Variants in MID1 observed in about 807,000 individuals in gnomAD.
The protein encoded by MID1 is midline 1.
MID1 carries 7 observed loss-of-function variants against 40.4 expected under a neutral mutation model. The observed-to-expected ratio is 0.17, with a 90% confidence interval of 0.10 to 0.33. The LOEUF (loss-of-function observed/expected upper bound fraction) is 0.33, where lower values mean the gene tolerates loss of function less well. MID1 is among the 10% of genes least tolerant of loss of function. The pLI is 1.00. For synonymous variants in MID1, 229 were observed against 221.2 expected, an observed-to-expected ratio of 1.04 and a Z score of -0.31; for missense variants, 367 against 558.5, an observed-to-expected ratio of 0.66 and a Z score of 3.46.
chrX:10,454,791 A>T lies in MID1; in HGVS notation c.1655+79T>A, dbSNP rs188341097. 561 of 855,204 alleles carry T rather than the reference A, an allele frequency of 6.6e-4. No homozygotes were observed. The African/African-American group carries it at 9.7e-3, about 15-fold the overall frequency. 70.5% of individuals were successfully genotyped at this position (855,204 alleles called of 1,213,427 possible). A position where few individuals can be genotyped will look rare whatever the true frequency, so the allele number is the denominator to read the frequency against. On this transcript the variant is annotated intron_variant, in intron 9 of 9. Transcript: ENST00000317552. ...TGCATTTTATTCTTTAAGATGCATT[A>T]CAGTATGGGTTGACTCTCTAAGTAC...
intron 1 of MID1, among the ~76,000 whole-genome samples, chrX:10,799,847 G>C (rs2147144646): frequency 9.6e-6 from 1 of 104,574 alleles, no homozygotes; most frequent in South Asian, 3.8e-4. Flanking sequence ...GAGACCTAAA[G>C]AAGTCAAGAA....
chrX:10,795,642 G>T (rs936507960), intron 1 of MID1, among the ~76,000 whole-genome samples: 3 of 112,467 alleles, frequency 2.7e-5, no homozygotes, highest in African/African-American at 9.7e-5. Flanking sequence ...TTTGTATGAA[G>T]AGTTCTTTAA....
At chrX:10,540,527 G>A (rs1933428125) in intron 2 of MID1, among the ~76,000 whole-genome samples, 1 of 111,613 alleles carries the variant, frequency 9.0e-6, no homozygotes. Context: ...GATTGTCTGA[G>A]ACCCAATATT....
chrX:10,672,961 C>T (rs766710088), intron 1 of MID1, among the ~76,000 whole-genome samples: 2 of 111,180 alleles, frequency 1.8e-5, no homozygotes, highest in Admixed American at 1.9e-4. Flanking sequence ...GCTGGGATTA[C>T]AAGTATGAGC....
At chrX:10,733,908 T>G (rs1202296076) in intron 1 of MID1, among the ~76,000 whole-genome samples, 1 of 112,364 alleles carries the variant, frequency 8.9e-6, no homozygotes, top group African/African-American at 3.2e-5. Context: ...TGTATTCAAA[T>G]GCATACCTAT....
intron 1 of MID1, among the ~76,000 whole-genome samples, chrX:10,724,163 A>C (rs2043375427): frequency 9.0e-6 from 1 of 111,418 alleles, no homozygotes; most frequent in African/African-American, 3.3e-5. Context: ...ACCGGGTTCA[A>C]GCATCAGCCA....
intron 2 of MID1, among the ~76,000 whole-genome samples, chrX:10,553,156 G>A (rs1393798592): frequency 9.1e-6 from 1 of 110,065 alleles, no homozygotes; most frequent in East Asian, 2.8e-4. Context: ...CCTGAGGCAG[G>A]AGAATTGCTT....
At chrX:10,540,300 G>A (rs1335392457) in intron 2 of MID1, among the ~76,000 whole-genome samples, 1 of 111,890 alleles carries the variant, frequency 8.9e-6, no homozygotes, top group African/African-American at 3.2e-5. Context: ...TCAAGATCTG[G>A]GAAATTTCCA....
rs1044317938 is a variant in MID1, at chrX:10,791,779, ATG to A, written c.-187+41773_-187+41774del. ...ATGCATGTGTCATTGGGTGGTATGC[ATG>A]TGTGTGTGTGTGCATGTGTGTGTGT... On this transcript the variant is annotated intron_variant, in intron 1 of 10. Transcript: ENST00000380785. 9.0e-5 allele frequency among the ~76,000 whole-genome samples: 10 copies of A among 110,549 alleles called. No homozygotes were observed. The East Asian group carries it at 1.7e-3, about 19-fold the overall frequency.
chrX:10,468,775 A>T (rs1929526755), intron 7 of MID1, among the ~76,000 whole-genome samples: 1 of 111,930 alleles, frequency 8.9e-6, no homozygotes, highest in Middle Eastern at 4.2e-3. Flanking sequence ...TGTTTCAGGT[A>T]AGGTTGGAAA....
At chrX:10,798,917 G>C (rs1301001147) in intron 1 of MID1, among the ~76,000 whole-genome samples, 1 of 111,885 alleles carries the variant, frequency 8.9e-6, no homozygotes, top group African/African-American at 3.2e-5. Context: ...ATTGGGGTAA[G>C]AGAAGATGGA....
At chrX:10,456,654 T>C (rs950924403) in intron 8 of MID1, among the ~76,000 whole-genome samples, 5 of 111,624 alleles carry the variant, frequency 4.5e-5, no homozygotes, top group Non-Finnish European at 9.4e-5. Context: ...TTGGCCAACA[T>C]GGTAAAACCC....
intron 8 of MID1, among the ~76,000 whole-genome samples, chrX:10,458,547 A>C (rs1433547238): frequency 1.8e-5 from 2 of 112,167 alleles, no homozygotes; most frequent in Non-Finnish European, 1.9e-5. Context: ...AACTGGGTTA[A>C]GGGTGTACAG....
At chrX:10,473,171 T>C (rs1929806831) in intron 6 of MID1, among the ~76,000 whole-genome samples, 1 of 112,017 alleles carries the variant, frequency 8.9e-6, no homozygotes, top group South Asian at 3.7e-4. Flanking sequence ...AATAGCCCCA[T>C]GTGGGAGGCA....
chrX:10,566,522 C>CCTCTCTCTCCCTCTCTCTCT (rs1200972140), intron 2 of MID1, among the ~76,000 whole-genome samples: 1 of 82,266 alleles, frequency 1.2e-5, no homozygotes, highest in Non-Finnish European at 2.2e-5. Flanking sequence ...CCTCTCTCTC[C>CCTCTCTCTCCCTCTCTCTCT]CTCTCTCTCC....
chrX:10,461,098 A>ATG (rs1459158063), intron 7 of MID1, among the ~76,000 whole-genome samples: 270 of 104,175 alleles, frequency 2.6e-3, no homozygotes, highest in Non-Finnish European at 3.7e-3. Flanking sequence ...ATATATATAT[A>ATG]TATGTATGTA....
chrX:10,792,752 A>C (rs1310126180), intron 1 of MID1, among the ~76,000 whole-genome samples: 4 of 111,542 alleles, frequency 3.6e-5, no homozygotes, highest in African/African-American at 9.8e-5. Flanking sequence ...GTGGGGAGTG[A>C]TTGCTGATGG....
chrX:10,456,816 A>C (rs1402563361), intron 8 of MID1, among the ~76,000 whole-genome samples: 1 of 111,919 alleles, frequency 8.9e-6, no homozygotes, highest in African/African-American at 3.3e-5. Flanking sequence ...CAGCCTGGGC[A>C]ACAGAGTGAG....
intron 1 of MID1, among the ~76,000 whole-genome samples, chrX:10,636,785 G>GACATATATATAT (rs757390504): frequency 1.6e-4 from 7 of 42,719 alleles, no homozygotes; most frequent in Non-Finnish European, 2.8e-4. Flanking sequence ...CAACAATGGG[G>GACATATATATAT]ATATATATAT....
Sources: gnomAD v4.1 joint callset for allele counts (sites outside exome capture counted in the v4.1 genomes callset) on GRCh38, gnomAD v4.1.1 for gene constraint, MANE v1.5 for transcripts, NCBI Gene and HGNC (gene_info 2026-07-23, HGNC 2026-07-21) for gene names.